MATN3: variants seen among roughly 807,000 people sequenced by gnomAD.
MATN3 encodes the protein matrilin 3.
In MATN3, 48 loss-of-function variants were observed where a neutral mutation model predicts 45.3. The observed-to-expected ratio is 1.06, with a 90% CI of 0.84 to 1.35. The LOEUF is 1.35. MATN3 is among the 40% of genes most tolerant of loss of function. MATN3 has a pLI of 0.00. For synonymous variants in MATN3, 217 were observed against 245.9 expected (o/e 0.88, Z 1.10); for missense variants, 599 against 628.0 (o/e 0.95, Z 0.49).
Position 19,992,327 on chromosome 2 carries a change from T to G in MATN3, c.*784A>C, listed in dbSNP as rs1192097037. 1 of 152,122 alleles carries G rather than the reference T, an allele frequency of 6.6e-6. No homozygotes were observed. The highest frequency in any genetic ancestry group is 1.5e-5 in the Non-Finnish European group (1 of 67,968). The allele number at this position is 152,122 out of a possible 1,614,324, so 9.4% of individuals were successfully genotyped here. On this transcript the variant is annotated 3_prime_UTR_variant, in exon 8 of 8. Coordinates refer to ENST00000407540, the MANE Select transcript of MATN3 (RefSeq NM_002381.5). Reference sequence around the variant, plus strand: ...GCTGAGGCAGGTGGATCACTAACATTAAAAAGACAACATTAGATTTTGTCG... The same window carrying G: ...GCTGAGGCAGGTGGATCACTAACATGAAAAAGACAACATTAGATTTTGTCG...
intron 5 of MATN3, chr2:19,999,297 A>G (rs1672937072): frequency 6.6e-6 from 1 of 151,992 alleles, no homozygotes; most frequent in South Asian, 2.1e-4. Flanking sequence ...CTCCACCCCA[A>G]CTTTCTTAGT....
intron 1 of MATN3, among the ~76,000 whole-genome samples, chr2:20,009,232 C>CAAA (rs558125406): frequency 1.8e-5 from 1 of 54,996 alleles, no homozygotes; most frequent in Non-Finnish European, 3.7e-5. Flanking sequence ...CTCTAAAAGC[C>CAAA]AAAAAAAAAA....
chr2:19,996,736 C>T (rs1338179546), intron 6 of MATN3, among the ~76,000 whole-genome samples: 1 of 152,152 alleles, frequency 6.6e-6, no homozygotes, highest in East Asian at 1.9e-4. Context: ...TTCATCGGCA[C>T]AGACTTTTAT....
chr2:19,993,063 T>C lies in MATN3; in HGVS notation c.*48A>G, dbSNP rs766031954. The C allele has an allele frequency of 7.5e-6, 11 of 1,474,314 alleles. No individual in the cohort carries two copies. The highest frequency in any genetic ancestry group is 1.7e-5 in the Admixed American group (1 of 59,582). 91.3% of individuals were successfully genotyped at this position (1,474,314 alleles called of 1,614,324 possible). On this transcript the variant is annotated 3_prime_UTR_variant, in exon 8 of 8. Coordinates refer to ENST00000407540, the MANE Select transcript of MATN3 (RefSeq NM_002381.5). ...AGGTGTGCAAAAGAATGCATGAGTA[T>C]TAAGTACACCAAGCTGTCCACATTT...
chr2:19,992,950 T>C lies in MATN3; in HGVS notation c.*161A>G. The C allele has an allele frequency of 1.6e-6, 1 of 631,358 alleles. No homozygotes were observed. Among genetic ancestry groups the C allele is most frequent in the Non-Finnish European group, 2.8e-6 (1 of 359,664 alleles). The allele number at this position is 631,358 out of a possible 1,614,324, so 39.1% of individuals were successfully genotyped here. On this transcript the variant is annotated 3_prime_UTR_variant, in exon 8 of 8. Coordinates refer to ENST00000407540, the MANE Select transcript of MATN3 (RefSeq NM_002381.5). Reference sequence around the variant, plus strand: ...TTCCTTGGAAGAATCATGCTGATTCTGCAGAAGATCTTCATACAATTTATC... The same window carrying C: ...TTCCTTGGAAGAATCATGCTGATTCCGCAGAAGATCTTCATACAATTTATC...
At chr2:20,003,404 T>A in intron 2 of MATN3, 118 bp from the exon 3 acceptor site, 1 of 951,180 alleles carries the variant, frequency 1.1e-6, no homozygotes, top group Non-Finnish European at 1.5e-6. Flanking sequence ...TTTACTTCAC[T>A]ATAAAAAAAT....
At chr2:19,993,257 G>T in intron 7 of MATN3, 91 bp from the exon 8 acceptor site, 1 of 991,602 alleles carries the variant, frequency 1.0e-6, no homozygotes, top group Non-Finnish European at 1.5e-6. Flanking sequence ...AAATAATTAT[G>T]TCCTATGAGA....
intron 1 of MATN3, among the ~76,000 whole-genome samples, chr2:20,011,035 C>G (rs1168018538): frequency 2.0e-5 from 3 of 152,254 alleles, no homozygotes; most frequent in Non-Finnish European, 4.4e-5. Context: ...ACTCATAATA[C>G]CACTGAGTCC....
chr2:20,012,402 C>T lies in MATN3; in HGVS notation c.223+7G>A. 1 of 1,229,268 alleles carries T rather than the reference C, an allele frequency of 8.1e-7. No homozygotes were observed. The highest frequency in any genetic ancestry group is 1.0e-6 in the Non-Finnish European group (1 of 986,454). The allele number at this position is 1,229,268 out of a possible 1,614,324, so 76.1% of individuals were successfully genotyped here. On this transcript the variant is annotated splice_region_variant and intron_variant, in intron 1 of 7. Coordinates refer to ENST00000407540, the MANE Select transcript of MATN3 (RefSeq NM_002381.5). This position sits in a 1 kb window ranked among gnomAD's most constrained non-coding sequence, Gnocchi z 4.3. ...GCTCACGCGTCCCTCCCGCCGCCCG[C>T]CTGTACCTGCACCGCGGGCGCGGCC...
At chr2:20,011,426 C>T (rs868015528) in intron 1 of MATN3, among the ~76,000 whole-genome samples, 4 of 152,220 alleles carry the variant, frequency 2.6e-5, no homozygotes, top group South Asian at 2.1e-4. Flanking sequence ...ACTTCAAATA[C>T]GGGGACTGAG....
intron 1 of MATN3, among the ~76,000 whole-genome samples, chr2:20,006,589 TAAG>T (rs1285395022): frequency 6.6e-6 from 1 of 152,248 alleles, no homozygotes; most frequent in Non-Finnish European, 1.5e-5. Flanking sequence ...TCCCTCTGCT[TAAG>T]CTTTTGCTCC....
rs529425458 is a variant in MATN3, at chr2:20,006,205, A to G, written c.329T>C (p.Ile110Thr). ...TKVKTFVSRI[I>T]DTLDIGPADT... ...GGCTGGCCCAATGTCCAGAGTGTCG[A>G]TTATCCGGGAGACAAAAGTTTTCAC... is the stretch of plus-strand genomic sequence containing the variant. Residue 110 changes from isoleucine (I) to threonine (T), a missense_variant, in exon 2 of 8, where the codon ATC becomes ACC. Ile to Thr is a moderately conservative substitution (Grantham distance 89, BLOSUM62 -1). Coordinates refer to ENST00000407540, the MANE Select transcript of MATN3 (RefSeq NM_002381.5). 1.2e-6 allele frequency: 2 copies of G among 1,613,774 alleles called. No individual in the cohort carries two copies. Among genetic ancestry groups the G allele is most frequent in the Non-Finnish European group, 1.7e-6 (2 of 1,179,832 alleles).
chr2:20,002,167 C>CAT (rs1672998262), intron 3 of MATN3, 87 bp from the exon 4 acceptor site: 1 of 814,244 alleles, frequency 1.2e-6, no homozygotes, highest in Admixed American at 3.0e-5. Flanking sequence ...GTTATACACA[C>CAT]ACACACACAC....
chr2:19,998,106 G>A (rs968869979), intron 5 of MATN3, among the ~76,000 whole-genome samples: 1 of 152,152 alleles, frequency 6.6e-6, no homozygotes, highest in Non-Finnish European at 1.5e-5. Context: ...AGAACCTTTT[G>A]TGGCTCACTA....
intron 2 of MATN3, among the ~76,000 whole-genome samples, chr2:20,003,759 GGTCTAA>G (rs1453924072): frequency 6.6e-6 from 1 of 152,114 alleles, no homozygotes; most frequent in African/African-American, 2.4e-5. Flanking sequence ...CACAAGTCTG[GGTCTAA>G]GCCTAGAACG....
Position 20,012,305 on chromosome 2 carries a change from C to T in MATN3, c.223+104G>A. 1 of 905,110 alleles carries T rather than the reference C, an allele frequency of 1.1e-6. No individual in the cohort carries two copies. The highest frequency in any genetic ancestry group is 1.4e-6 in the Non-Finnish European group (1 of 692,352). The allele number at this position is 905,110 out of a possible 1,614,324, so 56.1% of individuals were successfully genotyped here. On this transcript the variant is annotated intron_variant, in intron 1 of 7. Coordinates refer to ENST00000407540, the MANE Select transcript of MATN3 (RefSeq NM_002381.5). The surrounding 1 kb of genome is among the most constrained non-coding windows in gnomAD (Gnocchi z 4.3). ...ATTCATCCGGGAGGGGCCTCTTTCC[C>T]CCGCACCACGGTCGGCCTGAGGCCG...
At position 19,997,183 on chromosome 2, in the gene MATN3, A is replaced by G. The variant is rs768214131; in HGVS notation, c.1245T>C (p.Cys415=). ...CVSDGAASYH[C]DCYPGYTLNE... ...TTAAGGTGTAGCCAGGATAGCAATCACAGTGGTAGGATGCGGCCCCATCAC... is the reference window on the plus strand; with the variant it reads ...TTAAGGTGTAGCCAGGATAGCAATCGCAGTGGTAGGATGCGGCCCCATCAC... The change falls in exon 6 of 8, where the codon TGT becomes TGC. Residue 415 remains cysteine, a synonymous_variant. Transcript: ENST00000407540. 1 of 1,613,966 alleles carries G rather than the reference A, an allele frequency of 6.2e-7. No homozygotes were observed. Among genetic ancestry groups the G allele is most frequent in the Admixed American group, 1.7e-5 (1 of 60,026 alleles).
chr2:20,002,130 AAAT>A (rs1558372646), intron 3 of MATN3, 50 bp from the exon 4 acceptor site: 3 of 1,556,216 alleles, frequency 1.9e-6, no homozygotes, highest in Non-Finnish European at 2.6e-6. Flanking sequence ...AGCATGGCAG[AAAT>A]AATTGTGGGC....
intron 1 of MATN3, among the ~76,000 whole-genome samples, chr2:20,008,633 C>A (rs1673159306): frequency 2.6e-5 from 4 of 151,980 alleles, no homozygotes; most frequent in Admixed American, 2.6e-4. Flanking sequence ...CGCAAGGTAC[C>A]AACACATCAA....
Sources: allele counts gnomAD v4.1 joint callset (sites outside exome capture counted in the v4.1 genomes callset), GRCh38; gene constraint gnomAD v4.1.1; non-coding constraint Gnocchi (gnomAD v3.1); transcripts MANE v1.5; gene names NCBI Gene and HGNC (gene_info 2026-07-23, HGNC 2026-07-21).